TSPAN11: variants seen among roughly 807,000 people sequenced by gnomAD.
TSPAN11 encodes the protein tetraspanin-11.
A neutral mutation model predicts 32.9 loss-of-function variants in TSPAN11; 29 were observed. The ratio of observed to expected loss-of-function variants is 0.88; its 90% CI spans 0.66 to 1.20. TSPAN11 has a LOEUF of 1.20. Among genes scored for constraint, TSPAN11 ranks in the 50% most tolerant of loss-of-function variants. TSPAN11 has a pLI of 0.00. For missense variants in TSPAN11, 283 were observed against 329.1 expected (o/e 0.86, Z 1.08); for synonymous variants, 140 against 141.3 (o/e 0.99, Z 0.07).
In TSPAN11 at chr12:30,978,453, T is replaced by A. The variant is rs913774689; in HGVS notation, c.277-108T>A. 8.3e-6 allele frequency: 9 copies of A among 1,085,486 alleles called. No individual in the cohort carries two copies. In the African/African-American group the frequency reaches 1.4e-4, roughly 17 times the overall value. The allele number at this position is 1,085,486 out of a possible 1,614,324, so 67.2% of individuals were successfully genotyped here. A position where few individuals can be genotyped will look rare whatever the true frequency, so the allele number is the denominator to read the frequency against. On this transcript the variant is annotated intron_variant, in intron 3 of 7. Coordinates refer to ENST00000546076, the MANE Select transcript of TSPAN11 (RefSeq NM_001370302.1). ...ACATCCAGGAGGAAGATGGCATGGA[T>A]GATAGGGGTCCCAGCAGGTATCTCT...
intron 1 of TSPAN11, among the ~76,000 whole-genome samples, chr12:30,948,708 G>A (rs1245982548): frequency 6.6e-6 from 1 of 152,214 alleles, no homozygotes; most frequent in Non-Finnish European, 1.5e-5. Context: ...GGGAGGGGCT[G>A]CCATGAAGAC....
intron 7 of TSPAN11, among the ~76,000 whole-genome samples, chr12:30,989,787 C>G (rs1420178351): frequency 1.3e-5 from 2 of 152,228 alleles, no homozygotes; most frequent in Non-Finnish European, 2.9e-5. Flanking sequence ...CCTTCATGCT[C>G]TCTGCTGACA....
chr12:30,957,228 A>AC (rs56296744), intron 2 of TSPAN11, among the ~76,000 whole-genome samples: 5,230 of 106,154 alleles, frequency 0.049, 467 homozygotes, highest in Non-Finnish European at 0.074. Context: ...ATGGCCTGGG[A>AC]CCCCCCCCCC....
rs753460926 is a variant in TSPAN11 at position 30,979,561 on chromosome 12, C to G, written c.352-5C>G. 2 of 1,614,136 alleles carry G rather than the reference C, an allele frequency of 1.2e-6. No individual in the cohort carries two copies. The highest frequency in any genetic ancestry group is 1.7e-6 in the Non-Finnish European group (2 of 1,179,992). ...TGATGGGGACTTCGCTCCTACCCTC[C>G]TCAGCTGAGTGATGAACTGAAGCAG... On this transcript the variant is annotated splice_polypyrimidine_tract_variant and splice_region_variant and intron_variant, in intron 4 of 7. Transcript: ENST00000546076.
At chr12:30,955,589 T>C (rs1938462480) in intron 2 of TSPAN11, among the ~76,000 whole-genome samples, 1 of 152,200 alleles carries the variant, frequency 6.6e-6, no homozygotes, top group African/African-American at 2.4e-5. Flanking sequence ...AAAAATTTAT[T>C]CTCTCACAGT....
At chr12:30,978,798 T>G in intron 4 of TSPAN11, 163 bp downstream of exon 4, 1 of 650,074 alleles carries the variant, frequency 1.5e-6, no homozygotes, top group Non-Finnish European at 2.7e-6. Flanking sequence ...CAGCTGCTGG[T>G]CCTGGCTCCA....
Position 30,954,038 on chromosome 12 carries a change from T to G in TSPAN11, c.47T>G (p.Leu16Trp). Reference protein sequence around the residue: ...TEQDDWLIIYLKYLLFVFNFF... With the variant: ...TEQDDWLIIYWKYLLFVFNFF... ...CAGGACGACTGGCTGATCATCTACT[T>G]GAAGTATTTACTCTTTGTCTTCAAC... is the stretch of plus-strand genomic sequence containing the variant. The change falls in exon 2 of 8, where the codon TTG becomes TGG. Residue 16 changes from leucine to tryptophan, a missense_variant. Leu to Trp is a moderately conservative substitution (Grantham distance 61). Transcript: ENST00000546076. The G allele has an allele frequency of 1.2e-6, 2 of 1,613,948 alleles. No homozygotes were observed. The highest frequency in any genetic ancestry group is 1.7e-6 in the Non-Finnish European group (2 of 1,179,986).
chr12:31,009,727 C>T, the TSPAN11 span, among the ~76,000 whole-genome samples: 1 of 152,178 alleles, frequency 6.6e-6, no homozygotes, highest in East Asian at 1.9e-4. Flanking sequence ...TATGAGTTAA[C>T]AAACAAGTAG....
chr12:30,950,138 C>T (rs1342489376), intron 1 of TSPAN11, among the ~76,000 whole-genome samples: 7 of 151,760 alleles, frequency 4.6e-5, no homozygotes, highest in Non-Finnish European at 1.0e-4. Context: ...GCATCACCAT[C>T]CTGGGGTTGG....
rs1938939390 is a variant in TSPAN11 at position 30,975,124 on chromosome 12, A to T, written c.277-3437A>T. ...CACCAGGAACACTTTTCAGCTTTGCACACAGAGCCAGCGTGTGCCGCAGGG... is the reference window on the plus strand; with the variant it reads ...CACCAGGAACACTTTTCAGCTTTGCTCACAGAGCCAGCGTGTGCCGCAGGG... On this transcript the variant is annotated intron_variant, in intron 3 of 7. Coordinates refer to ENST00000546076, the MANE Select transcript of TSPAN11 (RefSeq NM_001370302.1). The surrounding 1 kb of genome is among the most constrained non-coding windows in gnomAD (Gnocchi z 4.5). Among the ~76,000 whole-genome samples, 1 of 152,248 alleles carries T rather than the reference A, an allele frequency of 6.6e-6. No homozygotes were observed. Among genetic ancestry groups the T allele is most frequent in the East Asian group, 1.9e-4 (1 of 5,198 alleles).
intron 1 of TSPAN11, among the ~76,000 whole-genome samples, chr12:30,946,602 A>G (rs7980008): frequency 0.046 from 7,025 of 152,288 alleles, 521 homozygotes; most frequent in East Asian, 0.33. Context: ...GTTCCTGGGC[A>G]CCGGGTGCTG....
At chr12:30,932,596 C>G (rs965109988) in intron 1 of TSPAN11, among the ~76,000 whole-genome samples, 1 of 152,060 alleles carries the variant, frequency 6.6e-6, no homozygotes, top group East Asian at 1.9e-4. Flanking sequence ...TGTGCCTACC[C>G]AAAAAAGAAG....
the TSPAN11 span, among the ~76,000 whole-genome samples, chr12:31,010,146 A>G: frequency 1.3e-5 from 2 of 152,108 alleles, no homozygotes; most frequent in East Asian, 3.9e-4. Context: ...GGGCCTGAGA[A>G]GTGCTGTTAT....
chr12:30,975,214 G>A lies in TSPAN11; in HGVS notation c.277-3347G>A, dbSNP rs750799719. Among the ~76,000 whole-genome samples the A allele has an allele frequency of 6.6e-6, 1 of 152,176 alleles. No homozygotes were observed. The highest frequency in any genetic ancestry group is 2.4e-5 in the African/African-American group (1 of 41,448). On this transcript the variant is annotated intron_variant, in intron 3 of 7. Coordinates refer to ENST00000546076, the MANE Select transcript of TSPAN11 (RefSeq NM_001370302.1). This position sits in a 1 kb window ranked among gnomAD's most constrained non-coding sequence, Gnocchi z 4.5. ...GGCTGGGTAAGGTGCAGGGTGGAGG[G>A]GCAGAGGTGACAGGTCTGTCAGAGC...
chr12:30,964,374 C>A (rs12581623), intron 3 of TSPAN11, among the ~76,000 whole-genome samples: 1 of 150,396 alleles, frequency 6.6e-6, no homozygotes, highest in African/African-American at 2.5e-5. Flanking sequence ...CTCCTTATCC[C>A]GTTTCCTTCT....
In TSPAN11 at chr12:30,927,131, C is replaced by T. The variant is rs115089615; in HGVS notation, c.-12+335C>T. ...AGGGCCTCGTGCCGTCCAGCGTGCC[C>T]GGGGCATGTCTGTTCCTCTTGAAAA... On this transcript the variant is annotated intron_variant, in intron 1 of 7. Transcript: ENST00000546076. 2,241 of 857,022 alleles carry T rather than the reference C, an allele frequency of 2.6e-3. 40 individuals carry two copies. In the African/African-American group the frequency reaches 0.037, roughly 14 times the overall value. The allele number at this position is 857,022 out of a possible 1,614,324, so 53.1% of individuals were successfully genotyped here. A position where few individuals can be genotyped will look rare whatever the true frequency, so the allele number is the denominator to read the frequency against.
chr12:30,942,917 C>A (rs1010809350), intron 1 of TSPAN11, among the ~76,000 whole-genome samples: 3 of 152,180 alleles, frequency 2.0e-5, no homozygotes, highest in Non-Finnish European at 4.4e-5. Flanking sequence ...TTTACCTGCA[C>A]ACAATGAACA....
Position 30,982,934 on chromosome 12 carries a change from A to G in TSPAN11, c.616-130A>G, listed in dbSNP as rs558089925. On this transcript the variant is annotated intron_variant, in intron 6 of 7. Transcript: ENST00000546076. ...GGGCCACTCAAGTAGCCTGTGAGCA[A>G]TTCAAGGTTGGGTCCAGCCTGTGAG... is the stretch of plus-strand genomic sequence containing the variant. The G allele has an allele frequency of 5.2e-6, 6 of 1,155,730 alleles. No individual in the cohort carries two copies. In the East Asian group the frequency reaches 1.0e-4, roughly 20 times the overall value. The allele number at this position is 1,155,730 out of a possible 1,614,324, so 71.6% of individuals were successfully genotyped here.
At chr12:30,933,864 C>T (rs1937986453) in intron 1 of TSPAN11, among the ~76,000 whole-genome samples, 1 of 152,146 alleles carries the variant, frequency 6.6e-6, no homozygotes, top group African/African-American at 2.4e-5. Flanking sequence ...TGATTTGAGG[C>T]CTAGAATGCT....
Sources: gnomAD v4.1 joint callset for allele counts (sites outside exome capture counted in the v4.1 genomes callset) on GRCh38, gnomAD v4.1.1 for gene constraint, Gnocchi (gnomAD v3.1) non-coding constraint, MANE v1.5 for transcripts, NCBI Gene and HGNC (gene_info 2026-07-23, HGNC 2026-07-21) for gene names.